PALM2AKAP2: variants seen among roughly 807,000 people sequenced by gnomAD.
PALM2AKAP2 encodes the protein PALM2-AKAP2 fusion protein.
Under a neutral mutation model 71.5 loss-of-function variants are expected in PALM2AKAP2, and 37 were observed. That is an observed-to-expected ratio of 0.52 (90% confidence interval 0.40 to 0.68). PALM2AKAP2 has a LOEUF of 0.68. Ranked by LOEUF, PALM2AKAP2 falls within the 30% of genes least tolerant of loss-of-function variation. The pLI is 0.00. For missense variants in PALM2AKAP2, 1,224 were observed against 1,191.8 expected, an observed-to-expected ratio of 1.03 and a Z score of -0.40; for synonymous variants, 468 against 478.8, an observed-to-expected ratio of 0.98 and a Z score of 0.29.
At chr9:109,709,758 C>G (rs1472369627) in intron 1 of PALM2AKAP2, among the ~76,000 whole-genome samples, 1 of 152,176 alleles carries the variant, frequency 6.6e-6, no homozygotes, top group Non-Finnish European at 1.5e-5. Context: ...CATTGGCTCA[C>G]AGGTCCCTGT....
At chr9:109,666,193 A>G (rs563334586) in intron 1 of PALM2AKAP2, among the ~76,000 whole-genome samples, 2 of 152,280 alleles carry the variant, frequency 1.3e-5, no homozygotes, top group South Asian at 2.1e-4. Context: ...TGTGGGCTGC[A>G]TCCACTCTCC....
intron 1 of PALM2AKAP2, among the ~76,000 whole-genome samples, chr9:109,666,484 T>C (rs1827487979): frequency 6.6e-6 from 1 of 152,218 alleles, no homozygotes; most frequent in Admixed American, 6.5e-5. Flanking sequence ...GAAAATGCTC[T>C]TATACTGTTA....
intron 3 of PALM2AKAP2, among the ~76,000 whole-genome samples, chr9:109,902,472 A>C (rs1451592817): frequency 6.6e-6 from 1 of 152,200 alleles, no homozygotes; most frequent in Non-Finnish European, 1.5e-5. Context: ...CAATTTACTG[A>C]GCCCCTGAAA....
intron 6 of PALM2AKAP2, among the ~76,000 whole-genome samples, chr9:109,954,658 T>TAAAAAAAAAAAA (rs56743395): frequency 9.3e-5 from 10 of 107,936 alleles, no homozygotes; most frequent in East Asian, 5.2e-4. Flanking sequence ...TAAAGTATAA[T>TAAAAAAAAAAAA]AAAAAAAAAA....
chr9:110,013,835 C>G (rs1832926140), intron 6 of PALM2AKAP2, among the ~76,000 whole-genome samples: 1 of 152,194 alleles, frequency 6.6e-6, no homozygotes, highest in Non-Finnish European at 1.5e-5. Context: ...ATTAGTCATT[C>G]ATCACCTTTT....
chr9:109,879,208 C>T (rs1263139152), intron 2 of PALM2AKAP2, among the ~76,000 whole-genome samples: 1 of 152,202 alleles, frequency 6.6e-6, no homozygotes, highest in African/African-American at 2.4e-5. Context: ...CCTTTCACCT[C>T]GCTCACCCTG....
intron 1 of PALM2AKAP2, among the ~76,000 whole-genome samples, chr9:109,676,035 T>C (rs1204842860): frequency 6.6e-6 from 1 of 152,200 alleles, no homozygotes; most frequent in African/African-American, 2.4e-5. Context: ...ACAAATGACC[T>C]ATTGTTACCT....
At chr9:109,729,603 G>A (rs1828525695) in intron 1 of PALM2AKAP2, among the ~76,000 whole-genome samples, 1 of 152,306 alleles carries the variant, frequency 6.6e-6, no homozygotes, top group East Asian at 1.9e-4. Context: ...CAGCCCCTTG[G>A]TAGAGGAGGC....
rs1482021050 is a variant in PALM2AKAP2 at position 109,838,157 on chromosome 9, T to C, written c.46-29334T>C. Among the ~76,000 whole-genome samples, 18 of 152,168 alleles carry C rather than the reference T, an allele frequency of 1.2e-4. No individual in the cohort carries two copies. In the East Asian group the frequency reaches 1.7e-3, roughly 15 times the overall value. ...GCACTCCTCAGCAAATGTAAAAGAA[T>C]AGAAATTATAACAAACTGTCTCTCA... On this transcript the variant is annotated intron_variant, in intron 1 of 9. Coordinates refer to the PALM2AKAP2 transcript ENST00000302798.
chr9:109,732,547 GA>G (rs1828572045), intron 1 of PALM2AKAP2, among the ~76,000 whole-genome samples: 1 of 152,160 alleles, frequency 6.6e-6, no homozygotes, highest in African/African-American at 2.4e-5. Flanking sequence ...GACTAGTTAG[GA>G]AAGAGCTAAA....
At chr9:109,711,348 AT>A (rs1453256539) in intron 1 of PALM2AKAP2, among the ~76,000 whole-genome samples, 1 of 152,244 alleles carries the variant, frequency 6.6e-6, no homozygotes, top group East Asian at 1.9e-4. Context: ...TACTGAGAAG[AT>A]TTTGATGGTT....
chr9:110,137,807 C>G (rs771119802), exon 2 of PALM2AKAP2: 2 of 1,613,878 alleles, frequency 1.2e-6, no homozygotes, highest in African/African-American at 2.7e-5. Context: ...TTTTTCTCTG[C>G]CCCAGACACC....
chr9:109,781,809 T>C (rs529312616), intron 1 of PALM2AKAP2, among the ~76,000 whole-genome samples: 1 of 152,358 alleles, frequency 6.6e-6, no homozygotes, highest in Admixed American at 6.5e-5. Context: ...GTTGTTTTTT[T>C]CTTCTTTCTC....
intron 6 of PALM2AKAP2, among the ~76,000 whole-genome samples, chr9:109,977,557 C>G (rs895259855): frequency 6.6e-6 from 1 of 152,172 alleles, no homozygotes; most frequent in Non-Finnish European, 1.5e-5. Context: ...CTAGGCTCCA[C>G]AGGGGCCAAA....
chr9:109,818,426 G>T (rs569793497), intron 1 of PALM2AKAP2, among the ~76,000 whole-genome samples: 112 of 152,264 alleles, frequency 7.4e-4, no homozygotes, highest in African/African-American at 2.6e-3. Context: ...TCTGGAAGTG[G>T]CTAGCAATTT....
intron 1 of PALM2AKAP2, among the ~76,000 whole-genome samples, chr9:109,732,580 A>G (rs560302106): frequency 1.3e-5 from 2 of 152,348 alleles, no homozygotes; most frequent in African/African-American, 4.8e-5. Flanking sequence ...CATTCATTCA[A>G]CACATGGATA....
intron 1 of PALM2AKAP2, among the ~76,000 whole-genome samples, chr9:109,803,201 A>G (rs1211424752): frequency 6.6e-6 from 1 of 152,256 alleles, no homozygotes; most frequent in Non-Finnish European, 1.5e-5. Flanking sequence ...ACACAATAGC[A>G]TATCTTAGAA....
chr9:110,053,177 CTA>C (rs1833746777), intron 1 of PALM2AKAP2, among the ~76,000 whole-genome samples: 1 of 152,122 alleles, frequency 6.6e-6, no homozygotes, highest in Non-Finnish European at 1.5e-5. Context: ...TGTCTCCCAT[CTA>C]GGAGGACCAG....
At chr9:109,943,968 T>G (rs1721823760) in intron 6 of PALM2AKAP2, 3 of 153,826 alleles carry the variant, frequency 2.0e-5, no homozygotes, top group African/African-American at 7.2e-5. Context: ...TTTTGCTGCC[T>G]TACATAAGCT....
Sources: allele counts gnomAD v4.1 joint callset (sites outside exome capture counted in the v4.1 genomes callset), GRCh38; gene constraint gnomAD v4.1.1; transcripts MANE v1.5; gene names NCBI Gene and HGNC (gene_info 2026-07-23, HGNC 2026-07-21).